ATP8A2: variants seen among roughly 807,000 people sequenced by gnomAD.
ATP8A2 encodes the protein phospholipid-transporting ATPase IB.
In ATP8A2, 100 loss-of-function variants were observed where a neutral mutation model predicts 165.6. The observed-to-expected ratio is 0.60, with a 90% CI of 0.51 to 0.71. ATP8A2 has a LOEUF of 0.71. ATP8A2 is among the 30% of genes least tolerant of loss of function. The probability of loss-of-function intolerance (pLI) is 0.00; values close to 1 mark genes in which losing one functional copy is unlikely to be tolerated. For missense variants in ATP8A2, 1,227 were observed against 1,479.5 expected (o/e 0.83, Z 2.80); for synonymous variants, 543 against 548.8 (o/e 0.99, Z 0.15).
chr13:25,651,342 C>A (rs538831260), intron 24 of ATP8A2, among the ~76,000 whole-genome samples: 26 of 151,826 alleles, frequency 1.7e-4, no homozygotes, highest in Non-Finnish European at 1.9e-4. Context: ...ACTCGGGAGG[C>A]TGAGGCAGGA....
At chr13:25,708,934 C>T (rs966587138) in intron 25 of ATP8A2, among the ~76,000 whole-genome samples, 3 of 152,200 alleles carry the variant, frequency 2.0e-5, no homozygotes, top group Admixed American at 6.5e-5. Context: ...GTGATGTCTG[C>T]GCCTTATGAC....
intron 25 of ATP8A2, among the ~76,000 whole-genome samples, chr13:25,754,685 A>G (rs2044224058): frequency 6.6e-6 from 1 of 152,140 alleles, no homozygotes; most frequent in African/African-American, 2.4e-5. Flanking sequence ...AAAAAATCCC[A>G]TTTTTAATTT....
intron 25 of ATP8A2, among the ~76,000 whole-genome samples, chr13:25,752,439 C>T (rs2044172360): frequency 6.6e-6 from 1 of 151,866 alleles, no homozygotes; most frequent in African/African-American, 2.4e-5. Context: ...GCCGGGGCGA[C>T]AGAGTGAGAC....
At chr13:25,890,473 G>A (rs1463153895) in intron 33 of ATP8A2, among the ~76,000 whole-genome samples, 1 of 152,196 alleles carries the variant, frequency 6.6e-6, no homozygotes, top group Non-Finnish European at 1.5e-5. Flanking sequence ...ACTAGAAGAT[G>A]TACTGGAAGC....
Position 26,023,550 on chromosome 13 carries a change from T to C in ATP8A2, c.*3565T>C, listed in dbSNP as rs1280005232. 6.6e-6 allele frequency: 1 copy of C among 152,214 alleles called. No individual in the cohort carries two copies. Among genetic ancestry groups the C allele is most frequent in the Non-Finnish European group, 1.5e-5 (1 of 68,040 alleles). The allele number at this position is 152,214 out of a possible 1,614,324, so 9.4% of individuals were successfully genotyped here. A position where few individuals can be genotyped will look rare whatever the true frequency, so the allele number is the denominator to read the frequency against. On this transcript the variant is annotated 3_prime_UTR_variant, in exon 37 of 37. Coordinates refer to ENST00000381655, the MANE Select transcript of ATP8A2 (RefSeq NM_016529.6). The stretch of plus-strand genomic sequence containing the variant: ...GCATATGTATGTAAATATTACAGGA[T>C]TTAAGGTTGAATTTTTTAAAAAGAA...
At chr13:25,927,120 A>G (rs1317553249) in intron 33 of ATP8A2, 6 of 456,608 alleles carry the variant, frequency 1.3e-5, no homozygotes, top group South Asian at 9.3e-5. Context: ...GCTCACATGC[A>G]TGGTTTGTCC....
At chr13:25,682,325 T>A (rs1267858771) in intron 24 of ATP8A2, among the ~76,000 whole-genome samples, 1 of 152,076 alleles carries the variant, frequency 6.6e-6, no homozygotes, top group African/African-American at 2.4e-5. Context: ...TGAGAGATGA[T>A]AATCAGGCAT....
At chr13:25,413,706 A>G (rs149965492) in intron 1 of ATP8A2, among the ~76,000 whole-genome samples, 25 of 152,310 alleles carry the variant, frequency 1.6e-4, no homozygotes, top group African/African-American at 5.5e-4. Flanking sequence ...TCTAGAGGCC[A>G]GAAGGGTAAG....
Position 25,543,654 on chromosome 13 carries a change from CTTATT to C in ATP8A2, c.891+257_891+261del, listed in dbSNP as rs573190255. ...GGATTAGGGGAACAATCAATTCTAACTTATTTTATCTTCTGGACTTAAGCGGGAAT... is the reference window on the plus strand; with the variant it reads ...GGATTAGGGGAACAATCAATTCTAACTTATCTTCTGGACTTAAGCGGGAAT... On this transcript the variant is annotated intron_variant, in intron 10 of 36. Coordinates refer to ENST00000381655, the MANE Select transcript of ATP8A2 (RefSeq NM_016529.6). Among the ~76,000 whole-genome samples the C allele has an allele frequency of 6.8e-4, 103 of 152,282 alleles. 2 individuals are homozygous for C. In the South Asian group the frequency reaches 0.02, roughly 30 times the overall value.
chr13:25,839,408 A>T, intron 29 of ATP8A2, 138 bp from the exon 30 acceptor site: 7 of 606,376 alleles, frequency 1.2e-5, no homozygotes, highest in South Asian at 2.3e-5. Context: ...TTTTTTTTTC[A>T]AATTCAAGAA....
At chr13:25,604,900 T>C (rs1053118569) in intron 24 of ATP8A2, among the ~76,000 whole-genome samples, 4 of 152,226 alleles carry the variant, frequency 2.6e-5, no homozygotes, top group Non-Finnish European at 5.9e-5. Context: ...ATGGTACTCT[T>C]GAAAGCCCCA....
intron 35 of ATP8A2, among the ~76,000 whole-genome samples, chr13:25,976,115 A>G (rs1265844917): frequency 6.6e-6 from 1 of 152,046 alleles, no homozygotes; most frequent in Non-Finnish European, 1.5e-5. Context: ...TGTTTTTAAG[A>G]TACAGAGTCC....
At chr13:25,511,413 T>G (rs1484717485) in intron 2 of ATP8A2, among the ~76,000 whole-genome samples, 1 of 152,198 alleles carries the variant, frequency 6.6e-6, no homozygotes, top group Non-Finnish European at 1.5e-5. Context: ...TGTAAAGTGG[T>G]CATCCCAGAA....
intron 30 of ATP8A2, 96 bp from the exon 31 acceptor site, chr13:25,860,099 A>T: frequency 2.8e-6 from 2 of 707,722 alleles, no homozygotes; most frequent in South Asian, 3.6e-5. Context: ...CTGTGAGTTG[A>T]TTGATGTTCC....
chr13:25,750,002 T>C lies in ATP8A2; in HGVS notation c.2385-19044T>C, dbSNP rs73478869. Among the ~76,000 whole-genome samples, 3,515 of 152,040 alleles carry C rather than the reference T, an allele frequency of 0.023. 143 individuals carry two copies. The highest frequency in any genetic ancestry group is 0.08 in the African/African-American group (3,319 of 41,488). On this transcript the variant is annotated intron_variant, in intron 25 of 36. Transcript: ENST00000381655. The surrounding 1 kb of genome is among the most constrained non-coding windows in gnomAD (Gnocchi z 4.3). The stretch of plus-strand genomic sequence containing the variant: ...ATAGCAAGACCACATCTCTAAAAAA[T>C]AAAACAAAACAAAACAAAAAAACGA...
At chr13:25,407,020 T>C (rs1469558091) in intron 1 of ATP8A2, among the ~76,000 whole-genome samples, 2 of 152,198 alleles carry the variant, frequency 1.3e-5, no homozygotes, top group Admixed American at 6.5e-5. Context: ...GACACTTACC[T>C]GGCAGTGGTG....
chr13:25,503,510 AG>A (rs1369175286), intron 2 of ATP8A2, among the ~76,000 whole-genome samples: 1 of 152,118 alleles, frequency 6.6e-6, no homozygotes, highest in Non-Finnish European at 1.5e-5. Flanking sequence ...GGGCATTTGG[AG>A]GATCCAAATC....
intron 24 of ATP8A2, among the ~76,000 whole-genome samples, chr13:25,666,485 C>T (rs186563700): frequency 2.8e-3 from 428 of 152,208 alleles, no homozygotes; most frequent in Non-Finnish European, 4.7e-3. Flanking sequence ...GGTGATCCAC[C>T]CACCTCAGGC....
At chr13:25,569,843 G>A (rs2039415859) in intron 16 of ATP8A2, among the ~76,000 whole-genome samples, 1 of 152,090 alleles carries the variant, frequency 6.6e-6, no homozygotes, top group Non-Finnish European at 1.5e-5. Flanking sequence ...TAATATAAAA[G>A]GCAATAGATA....
Sources: gnomAD v4.1 joint callset for allele counts (sites outside exome capture counted in the v4.1 genomes callset) on GRCh38, gnomAD v4.1.1 for gene constraint, Gnocchi (gnomAD v3.1) non-coding constraint, MANE v1.5 for transcripts, NCBI Gene and HGNC (gene_info 2026-07-23, HGNC 2026-07-21) for gene names.